FSTL5: variants seen among roughly 807,000 people sequenced by gnomAD.
FSTL5 encodes follistatin like 5, also known as follistatin-related protein 5.
A neutral mutation model predicts 89.1 loss-of-function variants in FSTL5; 62 were observed. The observed-to-expected ratio is 0.70, with a 90% CI of 0.57 to 0.86. The LOEUF is 0.86. Among genes scored for constraint, FSTL5 ranks in the 40% least tolerant of loss-of-function variants. The pLI, the probability that FSTL5 is intolerant of heterozygous loss-of-function variation, is 0.00. For missense variants in FSTL5, 1,057 were observed against 1,001.6 expected (o/e 1.06, Z -0.75); for synonymous variants, 383 against 346.2 (o/e 1.11, Z -1.18).
At chr4:161,489,334 TG>T (rs1480795585) in intron 12 of FSTL5, among the ~76,000 whole-genome samples, 2 of 151,976 alleles carry the variant, frequency 1.3e-5, no homozygotes, top group African/African-American at 4.8e-5. Context: ...GGTAAACATT[TG>T]AATAGTAGGG....
chr4:161,706,416 T>C (rs536407980), intron 6 of FSTL5, among the ~76,000 whole-genome samples: 13 of 152,156 alleles, frequency 8.5e-5, no homozygotes, highest in African/African-American at 3.1e-4. Context: ...TTAATTCTTA[T>C]TGAGAATAGA....
At chr4:161,835,282 C>T (rs1040609090) in intron 4 of FSTL5, among the ~76,000 whole-genome samples, 4 of 152,048 alleles carry the variant, frequency 2.6e-5, no homozygotes, top group Non-Finnish European at 5.9e-5. Flanking sequence ...CCCTTCCTTA[C>T]ACCTTATACA....
chr4:161,711,967 A>C (rs1018730883), intron 6 of FSTL5, among the ~76,000 whole-genome samples: 1 of 152,206 alleles, frequency 6.6e-6, no homozygotes, highest in African/African-American at 2.4e-5. Context: ...AATAGAGGGG[A>C]ATTTCCTAAA....
chr4:161,839,128 A>G (rs2126870005), intron 4 of FSTL5, among the ~76,000 whole-genome samples: 2 of 152,210 alleles, frequency 1.3e-5, no homozygotes, highest in South Asian at 4.1e-4. Context: ...TAAATGATAT[A>G]ATTTTATTTT....
chr4:161,526,709 T>C (rs1043231457), intron 10 of FSTL5, among the ~76,000 whole-genome samples: 4 of 152,234 alleles, frequency 2.6e-5, no homozygotes, highest in Admixed American at 2.6e-4. Flanking sequence ...AGGGAATCCT[T>C]TCCACATTGC....
At chr4:161,611,744 G>A (rs1734661523) in intron 7 of FSTL5, among the ~76,000 whole-genome samples, 1 of 152,156 alleles carries the variant, frequency 6.6e-6, no homozygotes, top group African/African-American at 2.4e-5. Flanking sequence ...ATGCAATGGT[G>A]ATAAAAGGTC....
At chr4:161,453,640 G>A (rs1733248566) in intron 15 of FSTL5, among the ~76,000 whole-genome samples, 1 of 152,162 alleles carries the variant, frequency 6.6e-6, no homozygotes, top group South Asian at 2.1e-4. Context: ...CTGTTGCCGA[G>A]GCTGGAGCAC....
intron 4 of FSTL5, among the ~76,000 whole-genome samples, chr4:161,782,570 T>A (rs1741713174): frequency 6.6e-6 from 1 of 152,308 alleles, no homozygotes; most frequent in African/African-American, 2.4e-5. Flanking sequence ...ATTGGTTTAA[T>A]TTATAATTGC....
intron 8 of FSTL5, among the ~76,000 whole-genome samples, chr4:161,564,696 T>C (rs1484654397): frequency 6.6e-6 from 1 of 151,626 alleles, no homozygotes; most frequent in Non-Finnish European, 1.5e-5. Flanking sequence ...TTATAAACTT[T>C]TAGATACTTC....
At chr4:162,114,372 A>G (rs1031315653) in intron 1 of FSTL5, among the ~76,000 whole-genome samples, 10 of 152,188 alleles carry the variant, frequency 6.6e-5, no homozygotes, top group African/African-American at 2.2e-4. Flanking sequence ...GTCCACGAGG[A>G]GAGTCAAGAA....
In FSTL5 at chr4:162,151,008, A is replaced by T. The variant is rs190303622; in HGVS notation, c.-17+12607T>A. On this transcript the variant is annotated intron_variant, in intron 1 of 15. Transcript: ENST00000306100. Reference sequence around the variant, plus strand: ...TAGGAAAGATCAACTAATTGCAAAAATGCCATTATAGAGAAATCAATTACT... The same window carrying T: ...TAGGAAAGATCAACTAATTGCAAAATTGCCATTATAGAGAAATCAATTACT... Among the ~76,000 whole-genome samples, 724 of 152,262 alleles carry T rather than the reference A, an allele frequency of 4.8e-3. 1 individual carries two copies. Among genetic ancestry groups the T allele is most frequent in the African/African-American group, 0.015 (642 of 41,556 alleles).
chr4:161,395,859 T>C (rs1178241684), intron 15 of FSTL5, among the ~76,000 whole-genome samples: 1 of 152,116 alleles, frequency 6.6e-6, no homozygotes, highest in African/African-American at 2.4e-5. Flanking sequence ...AATATAAAGC[T>C]ACCTCAAGAG....
chr4:161,429,026 G>A (rs1732262463), intron 15 of FSTL5, among the ~76,000 whole-genome samples: 1 of 152,110 alleles, frequency 6.6e-6, no homozygotes, highest in Non-Finnish European at 1.5e-5. Context: ...AGGCCTAGCA[G>A]CACTTACCAC....
intron 10 of FSTL5, among the ~76,000 whole-genome samples, chr4:161,537,500 A>G (rs1731664057): frequency 6.6e-6 from 1 of 152,208 alleles, no homozygotes; most frequent in Non-Finnish European, 1.5e-5. Flanking sequence ...CTATCATAAA[A>G]AGCAATCCAT....
intron 7 of FSTL5, among the ~76,000 whole-genome samples, chr4:161,634,911 G>A (rs990170489): frequency 6.6e-6 from 1 of 152,104 alleles, no homozygotes; most frequent in Non-Finnish European, 1.5e-5. Flanking sequence ...ACTCTGTGAG[G>A]TAATGGATAT....
intron 3 of FSTL5, among the ~76,000 whole-genome samples, chr4:161,952,589 T>C (rs984795442): frequency 1.3e-5 from 2 of 151,954 alleles, no homozygotes; most frequent in Admixed American, 1.3e-4. Context: ...AAAATTGTTA[T>C]GTAGTGAAGG....
rs181856954 is a variant in FSTL5, at chr4:162,023,404, T to C, written c.160+10221A>G. 2.0e-5 allele frequency among the ~76,000 whole-genome samples: 3 copies of C among 152,302 alleles called. No homozygotes were observed. In the East Asian group the frequency reaches 5.8e-4, roughly 29 times the overall value. ...GCTAGATTGCACCGTCTGGTTTTTA[T>C]ATGTGCCTAAACCACACACATGTTT... On this transcript the variant is annotated intron_variant, in intron 3 of 15. Transcript: ENST00000306100.
At chr4:161,965,503 T>C (rs1260012226) in intron 3 of FSTL5, among the ~76,000 whole-genome samples, 3 of 152,150 alleles carry the variant, frequency 2.0e-5, no homozygotes, top group Non-Finnish European at 2.9e-5. Context: ...GTTAGTAAAC[T>C]ATGTGGTGGC....
At chr4:162,085,731 C>T (rs17041916) in intron 2 of FSTL5, among the ~76,000 whole-genome samples, 2 of 152,068 alleles carry the variant, frequency 1.3e-5, no homozygotes, top group Non-Finnish European at 2.9e-5. Flanking sequence ...TTCATTTCCT[C>T]GTCATGGTAG....
Sources: allele counts gnomAD v4.1 joint callset (sites outside exome capture counted in the v4.1 genomes callset), GRCh38; gene constraint gnomAD v4.1.1; transcripts MANE v1.5; gene names NCBI Gene and HGNC (gene_info 2026-07-23, HGNC 2026-07-21).